LARP4B: variants seen among roughly 807,000 people sequenced by gnomAD.
LARP4B encodes La ribonucleoprotein 4B, also known as la-related protein 4B.
In LARP4B, 12 loss-of-function variants were observed where a neutral mutation model predicts 89.8. The observed-to-expected ratio is 0.13, with a 90% CI of 0.09 to 0.22. LARP4B has a LOEUF of 0.22. Ranked by LOEUF, LARP4B falls within the 10% of genes least tolerant of loss-of-function variation. LARP4B has a pLI of 1.00. For missense variants in LARP4B, 757 were observed against 947.7 expected, an observed-to-expected ratio of 0.80 and a Z score of 2.64; for synonymous variants, 367 against 363.3, an observed-to-expected ratio of 1.01 and a Z score of -0.12.
At chr10:987,401 C>G in the LARP4B span, 2 of 152,174 alleles carry the variant, frequency 1.3e-5, no homozygotes, top group African/African-American at 4.8e-5. Flanking sequence ...TGGGGGGCAT[C>G]CCAGATGCGT....
the LARP4B span, among the ~76,000 whole-genome samples, chr10:969,977 GGACTGAC>G: frequency 6.6e-6 from 1 of 152,094 alleles, no homozygotes; most frequent in African/African-American, 2.4e-5. Context: ...TCATGAGCCC[GGACTGAC>G]GCCTGCAGGA....
At chr10:970,609 T>C in the LARP4B span, among the ~76,000 whole-genome samples, 1 of 152,322 alleles carries the variant, frequency 6.6e-6, no homozygotes, top group African/African-American at 2.4e-5. Context: ...TATTTTACTC[T>C]GGATCCTCGA....
At chr10:920,450 A>G (rs987905580) in intron 1 of LARP4B, among the ~76,000 whole-genome samples, 4 of 152,274 alleles carry the variant, frequency 2.6e-5, no homozygotes, top group Admixed American at 1.3e-4. Flanking sequence ...CAAAAGTACT[A>G]TTTAATTCAC....
chr10:883,501 ACT>A (rs746113833), intron 3 of LARP4B, among the ~76,000 whole-genome samples: 4 of 152,068 alleles, frequency 2.6e-5, no homozygotes, highest in Non-Finnish European at 5.9e-5. Context: ...CAAGAGGGAA[ACT>A]CTGTTTCAAA....
At chr10:982,873 T>C in the LARP4B span, among the ~76,000 whole-genome samples, 2 of 152,210 alleles carry the variant, frequency 1.3e-5, no homozygotes, top group African/African-American at 4.8e-5. Context: ...ATTTGCTGGG[T>C]AGGGATCATT....
the LARP4B span, among the ~76,000 whole-genome samples, chr10:945,669 C>T: frequency 6.9e-6 from 1 of 144,212 alleles, no homozygotes; most frequent in South Asian, 2.2e-4. Context: ...GCCTGGGCAA[C>T]AGAGCGAGAC....
the LARP4B span, among the ~76,000 whole-genome samples, chr10:963,772 C>T: frequency 2.6e-5 from 4 of 152,244 alleles, no homozygotes; most frequent in Admixed American, 6.5e-5. Context: ...TCCTTCTTGA[C>T]GTGTCATGAC....
the LARP4B span, among the ~76,000 whole-genome samples, chr10:984,163 C>T: frequency 2.0e-5 from 3 of 152,168 alleles, no homozygotes; most frequent in Non-Finnish European, 4.4e-5. Context: ...ACATCACAAC[C>T]ACCTGCTTAA....
At chr10:843,182 A>C (rs1007353554) in intron 6 of LARP4B, 114 bp from the exon 7 acceptor site, 1 of 960,258 alleles carries the variant, frequency 1.0e-6, no homozygotes, top group African/African-American at 1.6e-5. Flanking sequence ...CTTTGGAGTT[A>C]AATCTCAGCC....
chr10:832,343 A>G (rs1367385416), intron 8 of LARP4B, among the ~76,000 whole-genome samples: 1 of 152,188 alleles, frequency 6.6e-6, no homozygotes, highest in Non-Finnish European at 1.5e-5. Context: ...GCGCCCGGCC[A>G]GATTTTTTTT....
the LARP4B span, among the ~76,000 whole-genome samples, chr10:976,309 T>C: frequency 6.8e-6 from 1 of 146,586 alleles, no homozygotes. Context: ...AATGTAAGCC[T>C]GTCGTGCAAC....
Position 820,851 on chromosome 10 carries a change from G to A in LARP4B, c.1485-6C>T, listed in dbSNP as rs1247410776. 7 of 1,612,676 alleles carry A rather than the reference G, an allele frequency of 4.3e-6. No individual in the cohort carries two copies. Among genetic ancestry groups the A allele is most frequent in the Non-Finnish European group, 5.1e-6 (6 of 1,179,526 alleles). Reference sequence around the variant, plus strand: ...GGTAGCCAAAGGAATTCTTCCTAGAGGAGTGGAAAGTGAAAGACTGTTATT... The same window carrying A: ...GGTAGCCAAAGGAATTCTTCCTAGAAGAGTGGAAAGTGAAAGACTGTTATT... On this transcript the variant is annotated splice_region_variant and splice_polypyrimidine_tract_variant and intron_variant, in intron 13 of 17. Transcript: ENST00000316157.
rs200190163 is a variant in LARP4B at position 922,716 on chromosome 10, T to TA, written c.-40+8711dup. On this transcript the variant is annotated intron_variant, in intron 1 of 17. Transcript: ENST00000316157. Reference sequence around the variant, plus strand: ...ATAAATAAATAAATAAATAAATAAATAACAAGTATCACTGGAGGTATGGAT... The same window carrying TA: ...ATAAATAAATAAATAAATAAATAAATAAACAAGTATCACTGGAGGTATGGAT... 2.1e-5 allele frequency among the ~76,000 whole-genome samples: 3 copies of TA among 144,922 alleles called. No homozygotes were observed. In the East Asian group the frequency reaches 6.1e-4, roughly 29 times the overall value.
intron 1 of LARP4B, among the ~76,000 whole-genome samples, chr10:905,133 T>C (rs1836454022): frequency 6.6e-6 from 1 of 152,170 alleles, no homozygotes; most frequent in African/African-American, 2.4e-5. Context: ...ATAAAACACT[T>C]CTGGCCTCAA....
At chr10:892,183 A>G (rs1360771427) in intron 1 of LARP4B, among the ~76,000 whole-genome samples, 1 of 152,256 alleles carries the variant, frequency 6.6e-6, no homozygotes, top group Non-Finnish European at 1.5e-5. Flanking sequence ...GCCTTACTGA[A>G]TTGGACAGGA....
the LARP4B span, among the ~76,000 whole-genome samples, chr10:960,432 T>G: frequency 6.6e-6 from 1 of 151,744 alleles, no homozygotes; most frequent in Non-Finnish European, 1.5e-5. Context: ...AGGCGCTGGG[T>G]ATGGTGGCTC....
chr10:956,438 C>G, the LARP4B span, among the ~76,000 whole-genome samples: 2 of 151,900 alleles, frequency 1.3e-5, no homozygotes, highest in African/African-American at 2.4e-5. The surrounding 1 kb of genome is among the most constrained non-coding windows in gnomAD (Gnocchi z 4.3). Context: ...GTCTGCCTCC[C>G]GGGTTCACGC....
At chr10:852,717 G>A (rs1206776550) in intron 5 of LARP4B, among the ~76,000 whole-genome samples, 1 of 152,164 alleles carries the variant, frequency 6.6e-6, no homozygotes, top group Non-Finnish European at 1.5e-5. Context: ...AATCATCTAT[G>A]TAGAAAATCC....
At chr10:918,628 GTC>G (rs1462153839) in intron 1 of LARP4B, among the ~76,000 whole-genome samples, 1 of 106,930 alleles carries the variant, frequency 9.4e-6, no homozygotes, top group African/African-American at 3.8e-5. Context: ...GTGAGACCCT[GTC>G]TCAAAAAAAA....
Sources: allele counts gnomAD v4.1 joint callset (sites outside exome capture counted in the v4.1 genomes callset), GRCh38; gene constraint gnomAD v4.1.1; non-coding constraint Gnocchi (gnomAD v3.1); transcripts MANE v1.5; gene names NCBI Gene and HGNC (gene_info 2026-07-23, HGNC 2026-07-21).